Variants in PEX1 observed in about 807,000 individuals in gnomAD.
PEX1 encodes peroxisomal biogenesis factor 1.
A neutral mutation model predicts 152.5 loss-of-function variants in PEX1; 97 were observed. The ratio of observed to expected loss-of-function variants is 0.64; its 90% CI spans 0.54 to 0.75. The LOEUF is 0.75. PEX1 is among the 30% of genes least tolerant of loss of function. The pLI is 0.00. For synonymous variants in PEX1, 485 were observed against 531.6 expected (o/e 0.91, Z 1.21); for missense variants, 1,357 against 1,516.3 (o/e 0.89, Z 1.74).
chr7:92,517,699 T>A lies in PEX1; in HGVS notation c.816A>T (p.Ala272=). Residue 272 remains alanine (A), a synonymous_variant, in exon 5 of 24, where the codon GCA becomes GCT. Transcript: ENST00000248633. ...ETSWGLTEIN[A]FKNMQSKVVP... ...CAACCTTTGACTGCATATTTTTGAA[T>A]GCATTGATTTCAGTTAAACCCCAAG... 6.2e-7 allele frequency: 1 copy of A among 1,613,612 alleles called. No individual in the cohort carries two copies. Among genetic ancestry groups the A allele is most frequent in the Non-Finnish European group, 8.5e-7 (1 of 1,179,738 alleles).
Position 92,501,385 on chromosome 7 carries a change from G to GTAACTCAGTAAACACTTGT in PEX1, c.2583+103_2583+121dup, listed in dbSNP as rs1253412711. 5.4e-6 allele frequency: 4 copies of GTAACTCAGTAAACACTTGT among 746,012 alleles called. 1 individual carries two copies. The African/African-American group carries it at 6.9e-5, about 13-fold the overall frequency. 46.2% of individuals were successfully genotyped at this position (746,012 alleles called of 1,614,324 possible). On this transcript the variant is annotated intron_variant, in intron 15 of 23. Transcript: ENST00000248633. Reference sequence around the variant, plus strand: ...AAAATAGTGTTAAGACATTTATTTGGTAACTCAGTAAACACTTGTTGACTC... The same window carrying GTAACTCAGTAAACACTTGT: ...AAAATAGTGTTAAGACATTTATTTGGTAACTCAGTAAACACTTGTTAACTCAGTAAACACTTGTTGACTC...
intron 10 of PEX1, 199 bp downstream of exon 10, chr7:92,506,795 T>C (rs976594951): frequency 2.6e-5 from 16 of 606,200 alleles, no homozygotes; most frequent in Non-Finnish European, 4.3e-5. Context: ...ATCAGTCTTA[T>C]TCGTCATCAC....
intron 2 of PEX1, among the ~76,000 whole-genome samples, chr7:92,520,763 A>G (rs1274768121): frequency 6.6e-6 from 1 of 152,192 alleles, no homozygotes; most frequent in Non-Finnish European, 1.5e-5. Flanking sequence ...AGAGAGAAAG[A>G]GAGAGACATG....
rs1473858573 is a variant in PEX1 at position 92,489,350 on chromosome 7, G to A, written c.3710C>T (p.Ala1237Val). 1.9e-6 allele frequency: 3 copies of A among 1,611,978 alleles called. No homozygotes were observed. Among genetic ancestry groups the A allele is most frequent in the African/African-American group, 1.3e-5 (1 of 74,868 alleles). Residue 1237 changes from alanine to valine, a missense_variant, in exon 23 of 24, where the codon GCA becomes GTA. Physicochemically the swap from Ala to Val is moderately conservative, Grantham distance 64 (BLOSUM62 0). Coordinates refer to ENST00000248633, the MANE Select transcript of PEX1 (RefSeq NM_000466.3). ...AATGGATGGTCTTGTGTGACCAAGT[G>A]CAGTCATTAAATGTGACTGACTAAT... ...LAISQSHLMTALGHTRPSISE... is the reference protein window; with the variant it reads ...LAISQSHLMTVLGHTRPSISE...
intron 1 of PEX1, among the ~76,000 whole-genome samples, chr7:92,525,029 A>C (rs1473146264): frequency 1.3e-5 from 2 of 152,184 alleles, no homozygotes; most frequent in Non-Finnish European, 2.9e-5. Flanking sequence ...GAGGAGGAAA[A>C]ATACTTCTAA....
At chr7:92,508,941 T>G (rs1476714856) in intron 9 of PEX1, among the ~76,000 whole-genome samples, 1 of 152,088 alleles carries the variant, frequency 6.6e-6, no homozygotes, top group African/African-American at 2.4e-5. Context: ...TGGCTTTAAC[T>G]TTTAAAATGT....
At chr7:92,500,766 A>G (rs925507956) in intron 15 of PEX1, among the ~76,000 whole-genome samples, 1 of 152,092 alleles carries the variant, frequency 6.6e-6, no homozygotes, top group Non-Finnish European at 1.5e-5. Context: ...TCTGATTAAA[A>G]CACACTACCT....
At chr7:92,488,729 A>ATT (rs199766658) in intron 23 of PEX1, among the ~76,000 whole-genome samples, 22 of 142,548 alleles carry the variant, frequency 1.5e-4, no homozygotes, top group South Asian at 2.2e-4. Context: ...AAGTTACTAA[A>ATT]TTTTTTTTTT....
chr7:92,511,139 G>T (rs2116206191), intron 7 of PEX1, 92 bp from the exon 8 acceptor site: 2 of 745,586 alleles, frequency 2.7e-6, no homozygotes, highest in Non-Finnish European at 4.5e-6. Context: ...TTAAGTTAAA[G>T]ACTTTTTTTT....
rs1585261130 is a variant in PEX1, at chr7:92,522,316, T to A, written c.130-71A>T. The A allele has an allele frequency of 5.6e-6, 8 of 1,437,746 alleles. No homozygotes were observed. The East Asian group carries it at 1.6e-4, about 29-fold the overall frequency. The allele number at this position is 1,437,746 out of a possible 1,614,324, so 89.1% of individuals were successfully genotyped here. ...TTTCTGGATTCACATGAAAATAAAC[T>A]ATTATTACAATTCACATGTCCAAAA... On this transcript the variant is annotated intron_variant, in intron 1 of 23. Transcript: ENST00000248633.
At chr7:92,502,977 A>G (rs964667170) in intron 13 of PEX1, 64 bp downstream of exon 13, 47 of 1,405,192 alleles carry the variant, frequency 3.3e-5, no homozygotes, top group Non-Finnish European at 4.3e-5. Context: ...AATTACTAAT[A>G]AAATTGAAAA....
At chr7:92,489,186 A>C (rs2116037794) in intron 23 of PEX1, 107 bp downstream of exon 23, 1 of 1,038,106 alleles carries the variant, frequency 9.6e-7, no homozygotes, top group East Asian at 2.6e-5. Context: ...ATTAGCTTTT[A>C]AATATTCAAA....
intron 21 of PEX1, among the ~76,000 whole-genome samples, chr7:92,490,559 C>A (rs554057459): frequency 5.3e-4 from 78 of 146,858 alleles, no homozygotes; most frequent in African/African-American, 1.8e-3. Context: ...CACCTAAGCC[C>A]AGGAGGTCAA....
intron 13 of PEX1, among the ~76,000 whole-genome samples, chr7:92,502,336 T>C (rs987366475): frequency 5.9e-5 from 9 of 152,184 alleles, no homozygotes; most frequent in Non-Finnish European, 2.9e-5. Flanking sequence ...TTGTACACTT[T>C]ATGTGAGTTT....
intron 7 of PEX1, among the ~76,000 whole-genome samples, chr7:92,511,309 AT>A: frequency 6.6e-6 from 1 of 152,054 alleles, no homozygotes; most frequent in South Asian, 2.1e-4. Flanking sequence ...ATTTTTTTGT[AT>A]AGATAGGGTT....
rs144845259 is a variant in PEX1 at position 92,504,757 on chromosome 7, C to T, written c.2046G>A (p.Ala682=). 1.2e-5 allele frequency: 20 copies of T among 1,613,998 alleles called. No homozygotes were observed. Among genetic ancestry groups the T allele is most frequent in the African/African-American group, 9.3e-5 (7 of 74,900 alleles). The change falls in exon 12 of 24, where the codon GCG becomes GCA. Residue 682 remains alanine (A), a synonymous_variant. Transcript: ENST00000248633. ...CATGAGCAAGCCGCTGGCTCTGCAC[C>T]GCATCAGGACTGTGCTCATGTTCCG... ...AVPEHEHSPD[A]VQSQRLAHAL... is the part of the protein sequence containing the mutation.
Position 92,518,270 on chromosome 7 carries a change from C to T in PEX1, c.358-15G>A, listed in dbSNP as rs38809. The T allele has an allele frequency of 0.88, 1,275,192 of 1,452,726 alleles. 560,211 individuals carry two copies. The highest frequency in any genetic ancestry group is 0.96 in the East Asian group (42,220 of 44,048). The allele number at this position is 1,452,726 out of a possible 1,614,324, so 90.0% of individuals were successfully genotyped here. On this transcript the variant is annotated splice_polypyrimidine_tract_variant and intron_variant, in intron 3 of 23. Transcript: ENST00000248633. ...GCATGCAGCTCCTAGAACCAACAGA[C>T]GAAAAGATCAATTCACTTTACATTT... is the stretch of plus-strand genomic sequence containing the variant.
chr7:92,493,261 G>A (rs1274102066), intron 19 of PEX1, 132 bp from the exon 20 acceptor site: 4 of 546,346 alleles, frequency 7.3e-6, no homozygotes, highest in Non-Finnish European at 9.4e-6. Flanking sequence ...GTTGAGAAAT[G>A]TACCAACAGC....
chr7:92,528,397 G>C lies in PEX1; in HGVS notation c.39C>G (p.Gly13=), dbSNP rs746171089. 4 of 1,594,974 alleles carry C rather than the reference G, an allele frequency of 2.5e-6. No individual in the cohort carries two copies. The highest frequency in any genetic ancestry group is 1.3e-5 in the African/African-American group (1 of 74,608). The change falls in exon 1 of 24, where the codon GGC becomes GGG. Residue 13 remains glycine, a synonymous_variant. Transcript: ENST00000248633. The part of the protein sequence containing the change: ...GSDRLAGAGG[G]GAAVTVAFTN... ...TGAAGGCCACAGTCACTGCCGCCCCGCCTCCCCCAGCACCCGCCAGGCGAT... is the reference window on the plus strand; with the variant it reads ...TGAAGGCCACAGTCACTGCCGCCCCCCCTCCCCCAGCACCCGCCAGGCGAT...
Sources: gnomAD v4.1 joint callset for allele counts (sites outside exome capture counted in the v4.1 genomes callset) on GRCh38, gnomAD v4.1.1 for gene constraint, MANE v1.5 for transcripts, NCBI Gene and HGNC (gene_info 2026-07-23, HGNC 2026-07-21) for gene names.